SLC66A2: variants seen among roughly 807,000 people sequenced by gnomAD.
The protein encoded by SLC66A2 is PQ loop repeat containing 1.
Under a neutral mutation model 25.5 loss-of-function variants are expected in SLC66A2, and 23 were observed. That is an observed-to-expected ratio of 0.90 (90% CI 0.65 to 1.28). The LOEUF is 1.28. Ranked by LOEUF, SLC66A2 falls within the 50% of genes most tolerant of loss-of-function variation. The pLI is 0.00. For missense variants in SLC66A2, 396 were observed against 373.1 expected (o/e 1.06, Z -0.51); for synonymous variants, 193 against 166.5 (o/e 1.16, Z -1.23).
At chr18:79,910,642 T>C (rs1037002364) in intron 5 of SLC66A2, among the ~76,000 whole-genome samples, 1 of 152,254 alleles carries the variant, frequency 6.6e-6, no homozygotes, top group Non-Finnish European at 1.5e-5. Flanking sequence ...AAAGAGACCA[T>C]ATGAACCACA....
intron 3 of SLC66A2, among the ~76,000 whole-genome samples, chr18:79,936,706 T>G (rs1474590128): frequency 5.3e-5 from 8 of 152,176 alleles, no homozygotes; most frequent in Non-Finnish European, 1.2e-4. Flanking sequence ...AAAGCAATAT[T>G]TAAAATGAAA....
chr18:79,935,799 GGAGA>G (rs145555593), intron 3 of SLC66A2, among the ~76,000 whole-genome samples: 2 of 151,078 alleles, frequency 1.3e-5, no homozygotes, highest in African/African-American at 4.9e-5. Context: ...AGCGAGTGAG[GGAGA>G]GAGAGAGAGA....
chr18:79,909,075 A>G (rs993748982), intron 5 of SLC66A2, among the ~76,000 whole-genome samples: 2 of 152,254 alleles, frequency 1.3e-5, no homozygotes, highest in African/African-American at 2.4e-5. Flanking sequence ...AACATTATGC[A>G]GTGAGATGTG....
chr18:79,925,809 G>A (rs940661427), intron 4 of SLC66A2, among the ~76,000 whole-genome samples: 14 of 152,352 alleles, frequency 9.2e-5, no homozygotes, highest in Admixed American at 2.6e-4. Context: ...GATGGCCAAC[G>A]TGTCCAAGGC....
Position 79,950,968 on chromosome 18 carries a change from C to A in SLC66A2, c.-42G>T. 1 of 1,421,250 alleles carries A rather than the reference C, an allele frequency of 7.0e-7. No individual in the cohort carries two copies. Among genetic ancestry groups the A allele is most frequent in the Non-Finnish European group, 9.2e-7 (1 of 1,081,586 alleles). 88.0% of individuals were successfully genotyped at this position (1,421,250 alleles called of 1,614,324 possible). A position where few individuals can be genotyped will look rare whatever the true frequency, so the allele number is the denominator to read the frequency against. On this transcript the variant is annotated 5_prime_UTR_variant, in exon 2 of 6. Coordinates refer to ENST00000397778, the MANE Select transcript of SLC66A2 (RefSeq NM_025078.5). ...CCGAGGCTGTCACGGGCTCCGCGCC[C>A]CGCGGGCCACCGGCCGCCTGCTCAT...
rs1482536315 is a variant in SLC66A2 at position 79,919,503 on chromosome 18, G to GA, written c.392-104_392-103insT. The GA allele has an allele frequency of 6.4e-4, 174 of 273,496 alleles. 1 individual carries two copies. The highest frequency in any genetic ancestry group is 4.0e-3 in the African/African-American group (134 of 33,810). 16.9% of individuals were successfully genotyped at this position (273,496 alleles called of 1,614,324 possible). The stretch of plus-strand genomic sequence containing the variant: ...ACCGAGTGAGAGGTCAAGGTCAGTG[G>GA]GGAGAGACAGGAACCGAGGGAGAGG... On this transcript the variant is annotated intron_variant, in intron 4 of 5. Transcript: ENST00000397778.
In SLC66A2 at chr18:79,902,524, T is replaced by A. The variant is rs183299591; in HGVS notation, c.*1452A>T. The stretch of plus-strand genomic sequence containing the variant: ...CAGTTTAATGTGAGGCAATTACCGC[T>A]ACAGACATCTTGCTTCATCTTAAAA... On this transcript the variant is annotated 3_prime_UTR_variant, in exon 6 of 6. Transcript: ENST00000397778. The A allele has an allele frequency of 3.9e-5, 6 of 152,414 alleles. No individual in the cohort carries two copies. The East Asian group carries it at 1.2e-3, about 29-fold the overall frequency. 9.4% of individuals were successfully genotyped at this position (152,414 alleles called of 1,614,324 possible).
Position 79,920,123 on chromosome 18 carries a change from C to T in SLC66A2, c.392-723G>A, listed in dbSNP as rs75782969. On this transcript the variant is annotated intron_variant, in intron 4 of 5. Coordinates refer to ENST00000397778, the MANE Select transcript of SLC66A2 (RefSeq NM_025078.5). ...AGAGGTCAAGGTCAGTGGGGAGAGACGGAACCGAGGGAGAGGTCAGGGTCA... is the reference window on the plus strand; with the variant it reads ...AGAGGTCAAGGTCAGTGGGGAGAGATGGAACCGAGGGAGAGGTCAGGGTCA... Among the ~76,000 whole-genome samples the T allele has an allele frequency of 5.3e-5, 3 of 56,244 alleles. 1 individual carries two copies. The highest frequency in any genetic ancestry group is 1.5e-4 in the African/African-American group (1 of 6,740). 36.9% of individuals were successfully genotyped at this position (56,244 alleles called of 152,430 possible).
At chr18:79,922,082 G>A (rs1190377888) in intron 4 of SLC66A2, among the ~76,000 whole-genome samples, 1 of 151,378 alleles carries the variant, frequency 6.6e-6, no homozygotes, top group African/African-American at 2.5e-5. Flanking sequence ...TCAAATCAGG[G>A]AGGAGCCATG....
chr18:79,909,705 C>G (rs2123209054), intron 5 of SLC66A2, among the ~76,000 whole-genome samples: 1 of 137,510 alleles, frequency 7.3e-6, no homozygotes, highest in East Asian at 2.3e-4. Context: ...ACCTTCCCCA[C>G]CATCTCACAA....
intron 4 of SLC66A2, among the ~76,000 whole-genome samples, chr18:79,924,079 C>A (rs1985622970): frequency 1.3e-5 from 2 of 151,434 alleles, no homozygotes; most frequent in Admixed American, 6.6e-5. Context: ...ACCGTACACG[C>A]CAAACACCCT....
In SLC66A2 at chr18:79,948,004, C is replaced by T. The variant is rs992636614; in HGVS notation, c.203+2720G>A. On this transcript the variant is annotated intron_variant, in intron 2 of 5. Coordinates refer to ENST00000397778, the MANE Select transcript of SLC66A2 (RefSeq NM_025078.5). ...AGGCTGGAGGGACGCCCAGCAGGAA[C>T]GAGCGCCCTCTGCTCTCCCCGCTTT... Among the ~76,000 whole-genome samples the T allele has an allele frequency of 1.4e-4, 21 of 151,750 alleles. No individual in the cohort carries two copies. The East Asian group carries it at 4.1e-3, about 30-fold the overall frequency.
At chr18:79,908,100 C>T (rs1291143041) in intron 5 of SLC66A2, among the ~76,000 whole-genome samples, 1 of 152,148 alleles carries the variant, frequency 6.6e-6, no homozygotes, top group African/African-American at 2.4e-5. Context: ...AACTTTCACA[C>T]ATATTTTAAA....
chr18:79,922,980 G>A (rs1985445804), intron 4 of SLC66A2, among the ~76,000 whole-genome samples: 1 of 151,652 alleles, frequency 6.6e-6, no homozygotes, highest in South Asian at 2.1e-4. Flanking sequence ...CATCCCCTTG[G>A]ACCCTAGATC....
chr18:79,908,211 G>A (rs553481623), intron 5 of SLC66A2, among the ~76,000 whole-genome samples: 82 of 152,218 alleles, frequency 5.4e-4, no homozygotes, highest in Non-Finnish European at 9.4e-4. Context: ...CTCCTCCAGC[G>A]GAAGAACTTT....
chr18:79,930,664 T>C (rs1181355776), intron 4 of SLC66A2, among the ~76,000 whole-genome samples: 1 of 152,168 alleles, frequency 6.6e-6, no homozygotes, highest in East Asian at 1.9e-4. Context: ...GTAATATATT[T>C]GACAATAATA....
chr18:79,948,623 G>A (rs200104360), intron 2 of SLC66A2, among the ~76,000 whole-genome samples: 16 of 152,220 alleles, frequency 1.1e-4, no homozygotes, highest in East Asian at 3.9e-4. Flanking sequence ...TTACAGGAGC[G>A]GGCCACCGTG....
In SLC66A2 at chr18:79,918,436, GTGAGGAGCGGGCACCGGGGA is replaced by G; in HGVS notation, c.608+728_608+747del. On this transcript the variant is annotated intron_variant, in intron 5 of 5. Transcript: ENST00000397778. This position sits in a 1 kb window ranked among gnomAD's most constrained non-coding sequence, Gnocchi z 4.0. ...GAGCGGGCCCGGGGGGGGGTCCCCA[GTGAGGAGCGGGCACCGGGGA>G]GGGTCCCCAGTGAGGAGCGGCACCG... Among the ~76,000 whole-genome samples the G allele has an allele frequency of 7.4e-6, 1 of 134,646 alleles. No individual in the cohort carries two copies. The highest frequency in any genetic ancestry group is 1.7e-5 in the Non-Finnish European group (1 of 58,958). The allele number at this position is 134,646 out of a possible 152,430, so 88.3% of individuals were successfully genotyped here.
intron 5 of SLC66A2, among the ~76,000 whole-genome samples, chr18:79,911,357 C>T (rs775480813): frequency 3.9e-5 from 6 of 152,248 alleles, no homozygotes; most frequent in African/African-American, 7.2e-5. Flanking sequence ...GTGAGGATTC[C>T]GCAGTGGCAG....
Sources: gnomAD v4.1 joint callset for allele counts (sites outside exome capture counted in the v4.1 genomes callset) on GRCh38, gnomAD v4.1.1 for gene constraint, Gnocchi (gnomAD v3.1) non-coding constraint, MANE v1.5 for transcripts, NCBI Gene and HGNC (gene_info 2026-07-23, HGNC 2026-07-21) for gene names.